The following SSH2 variants were observed in gnomAD, a reference collection of about 807,000 sequenced individuals.
SSH2 encodes the protein protein phosphatase Slingshot homolog 2.
A neutral mutation model predicts 135.2 loss-of-function variants in SSH2; 37 were observed. The observed-to-expected ratio is 0.27, with a 90% CI of 0.21 to 0.36. The LOEUF (loss-of-function observed/expected upper bound fraction) is 0.36, where lower values mean the gene tolerates loss of function less well. SSH2 is among the 10% of genes least tolerant of loss of function. The probability of loss-of-function intolerance (pLI) is 1.00; values close to 1 mark genes in which losing one functional copy is unlikely to be tolerated. For missense variants in SSH2, 1,408 were observed against 1,765.3 expected, an observed-to-expected ratio of 0.80 and a Z score of 3.63; for synonymous variants, 628 against 646.2, an observed-to-expected ratio of 0.97 and a Z score of 0.43.
chr17:29,859,637 G>A (rs182426995), intron 1 of SSH2, among the ~76,000 whole-genome samples: 9 of 152,150 alleles, frequency 5.9e-5, no homozygotes, highest in Admixed American at 5.9e-4. Context: ...TCTTTTTTAT[G>A]GCTGCATAGT....
intron 11 of SSH2, among the ~76,000 whole-genome samples, chr17:29,658,176 G>T (rs1393479445): frequency 6.6e-6 from 1 of 151,118 alleles, no homozygotes; most frequent in African/African-American, 2.4e-5. Context: ...GCTAGTTTTG[G>T]TATTTTTAGT....
intron 3 of SSH2, among the ~76,000 whole-genome samples, chr17:29,727,311 A>G (rs2040035415): frequency 6.6e-6 from 1 of 152,224 alleles, no homozygotes; most frequent in African/African-American, 2.4e-5. Context: ...AAGACAAGTG[A>G]ATTTTACAAA....
At chr17:29,644,480 T>C (rs2036292043) in intron 14 of SSH2, among the ~76,000 whole-genome samples, 1 of 152,182 alleles carries the variant, frequency 6.6e-6, no homozygotes, top group East Asian at 1.9e-4. Context: ...TTGATTCCAC[T>C]ACAATGCCAC....
At position 29,690,403 on chromosome 17, in the gene SSH2, TC is replaced by T. The variant is rs148278169; in HGVS notation, c.357+5055del. ...CTGGGCAAAAGAGTGAAACTCTGTC[TC>T]AAAAAAAAAAAAAAAAAGACTTAAT... On this transcript the variant is annotated intron_variant, in intron 5 of 15. Transcript: ENST00000540801. Among the ~76,000 whole-genome samples the T allele has an allele frequency of 2.4e-5, 3 of 124,380 alleles. No homozygotes were observed. In the East Asian group the frequency reaches 6.8e-4, roughly 28 times the overall value. 81.6% of individuals were successfully genotyped at this position (124,380 alleles called of 152,430 possible).
intron 3 of SSH2, among the ~76,000 whole-genome samples, chr17:29,771,849 C>T (rs2041592802): frequency 6.6e-6 from 1 of 152,160 alleles, no homozygotes; most frequent in Admixed American, 6.5e-5. Context: ...ATCAACTTCC[C>T]TGGCCATATT....
chr17:29,873,081 A>G (rs189345272), intron 1 of SSH2, among the ~76,000 whole-genome samples: 22 of 152,298 alleles, frequency 1.4e-4, no homozygotes, highest in Admixed American at 8.5e-4. Flanking sequence ...TAATTTTTAA[A>G]ATTAACTTTG....
At position 29,636,713 on chromosome 17, in the gene SSH2, A is replaced by C. The variant is rs774914679; in HGVS notation, c.1517T>G (p.Leu506Arg). Reference sequence around the variant, plus strand: ...TGAGGTGGTGATATCCTTCTTGTTGAGTTCTAGCCCAGGTTTGCAGATGGG... The same window carrying C: ...TGAGGTGGTGATATCCTTCTTGTTGCGTTCTAGCCCAGGTTTGCAGATGGG... Reference protein sequence around the residue: ...HEPICKPGLELNKKDITTSAD... With the variant: ...HEPICKPGLERNKKDITTSAD... Residue 506 changes from leucine to arginine, a missense_variant, in exon 15 of 16, where the codon CTC becomes CGC. Leu to Arg is a moderately radical substitution (Grantham distance 102). This residue lies in a region of SSH2 where 1,080 missense variants were observed against 1,144.5 expected (regional missense o/e 0.94). Coordinates refer to ENST00000540801, the MANE Select transcript of SSH2 (RefSeq NM_001282129.2). 6.2e-7 allele frequency: 1 copy of C among 1,613,970 alleles called. No individual in the cohort carries two copies. Among genetic ancestry groups the C allele is most frequent in the Non-Finnish European group, 8.5e-7 (1 of 1,180,008 alleles).
intron 1 of SSH2, among the ~76,000 whole-genome samples, chr17:29,870,780 C>G (rs1007881833): frequency 2.0e-5 from 3 of 152,158 alleles, no homozygotes; most frequent in East Asian, 3.8e-4. Flanking sequence ...AACTACCATG[C>G]CTTCATTGTC....
chr17:29,872,834 A>G (rs971530808), intron 1 of SSH2, among the ~76,000 whole-genome samples: 1 of 152,004 alleles, frequency 6.6e-6, no homozygotes, highest in Non-Finnish European at 1.5e-5. Flanking sequence ...CATCTCTACT[A>G]AAAACACAAA....
chr17:29,865,672 A>G (rs1253428688), intron 1 of SSH2, among the ~76,000 whole-genome samples: 1 of 152,224 alleles, frequency 6.6e-6, no homozygotes, highest in Non-Finnish European at 1.5e-5. Context: ...TTTAACCTAT[A>G]AAAGACAGAA....
intron 12 of SSH2, among the ~76,000 whole-genome samples, chr17:29,652,967 T>C (rs1567846641): frequency 6.6e-6 from 1 of 152,138 alleles, no homozygotes; most frequent in Non-Finnish European, 1.5e-5. Context: ...CCTTATTTTA[T>C]TTAAAATAAA....
chr17:29,691,521 C>T (rs186041756), intron 5 of SSH2, among the ~76,000 whole-genome samples: 2,699 of 151,204 alleles, frequency 0.018, 36 homozygotes, highest in Non-Finnish European at 0.026. Flanking sequence ...GACAGAGTCT[C>T]GCTCTGTTGC....
At chr17:29,756,284 A>AGG (rs1012709496) in intron 3 of SSH2, among the ~76,000 whole-genome samples, 2 of 148,804 alleles carry the variant, frequency 1.3e-5, no homozygotes, top group African/African-American at 4.9e-5. Flanking sequence ...AAAAAAAGAG[A>AGG]GGGAGATAGA....
At chr17:29,700,964 T>C (rs2038951414) in intron 4 of SSH2, among the ~76,000 whole-genome samples, 1 of 149,688 alleles carries the variant, frequency 6.7e-6, no homozygotes, top group Non-Finnish European at 1.5e-5. Context: ...AATTTTTGTA[T>C]TTTTTTCTTT....
chr17:29,806,538 A>C (rs186665347), intron 2 of SSH2, among the ~76,000 whole-genome samples: 2 of 152,296 alleles, frequency 1.3e-5, no homozygotes, highest in Non-Finnish European at 2.9e-5. Context: ...ATGGACATAG[A>C]GTCTTATGTT....
intron 2 of SSH2, among the ~76,000 whole-genome samples, chr17:29,847,940 T>C (rs2043160778): frequency 6.6e-6 from 1 of 152,204 alleles, no homozygotes; most frequent in African/African-American, 2.4e-5. Flanking sequence ...AGCGAGTATA[T>C]ATACAGTTGC....
intron 3 of SSH2, among the ~76,000 whole-genome samples, chr17:29,770,626 C>T (rs533263425): frequency 1.6e-3 from 239 of 152,142 alleles, no homozygotes; most frequent in Non-Finnish European, 2.9e-3. Flanking sequence ...GTGTGCACCA[C>T]CACGCCCAGG....
Position 29,636,058 on chromosome 17 carries a change from G to A in SSH2, c.2172C>T (p.Ser724=). ...TTCTCTGGTCATCAGCTGTCACTTT[G>A]GAAGGGGCTACTTCTACCACTGACA... ...CRLSVVEVAP[S]KVTADDQRSS... Residue 724 remains serine, a synonymous_variant, in exon 15 of 16, where the codon TCC becomes TCT. Coordinates refer to ENST00000540801, the MANE Select transcript of SSH2 (RefSeq NM_001282129.2). 6.2e-7 allele frequency: 1 copy of A among 1,614,208 alleles called. No homozygotes were observed. The highest frequency in any genetic ancestry group is 1.3e-5 in the African/African-American group (1 of 75,048).
chr17:29,744,885 G>GTGTGTGTGTGTGTGTT (rs1555625859), intron 3 of SSH2, among the ~76,000 whole-genome samples: 1 of 151,514 alleles, frequency 6.6e-6, no homozygotes, highest in African/African-American at 2.4e-5. Flanking sequence ...GTGTGTGTGT[G>GTGTGTGTGTGTGTGTT]TGTGTGTGTG....
Sources: gnomAD v4.1 joint callset for allele counts (sites outside exome capture counted in the v4.1 genomes callset) on GRCh38, gnomAD v4.1.1 for gene constraint, gnomAD v4.1.1 regional missense constraint, MANE v1.5 for transcripts, NCBI Gene and HGNC (gene_info 2026-07-23, HGNC 2026-07-21) for gene names.